Variants in TMEM164 observed in about 807,000 individuals in gnomAD.
TMEM164 encodes the protein transmembrane protein 164, also known as RP13-360B22.2.
TMEM164 carries 4 observed loss-of-function variants against 18.8 expected under a neutral mutation model. That is an observed-to-expected ratio of 0.21 (90% confidence interval 0.10 to 0.49). TMEM164 has a LOEUF of 0.49. Among genes scored for constraint, TMEM164 ranks in the 20% least tolerant of loss-of-function variants. The pLI is 0.98. For missense variants in TMEM164, 108 were observed against 239.9 expected, an observed-to-expected ratio of 0.45 and a Z score of 3.63; for synonymous variants, 86 against 101.7, an observed-to-expected ratio of 0.85 and a Z score of 0.93.
intron 2 of TMEM164, among the ~76,000 whole-genome samples, chrX:110,043,664 T>C (rs1213312173): frequency 9.0e-6 from 1 of 110,504 alleles, no homozygotes; most frequent in Non-Finnish European, 1.9e-5. Flanking sequence ...AATATCCTTT[T>C]CCTCGTTGCA....
At position 110,014,845 on chromosome X, in the gene TMEM164, T is replaced by C. The variant is rs1368128823; in HGVS notation, c.390+10681T>C. The stretch of plus-strand genomic sequence containing the variant: ...AACTATTACCAGAGCTGGGTAACTG[T>C]TGGAAGAGAAAGGGCCACCCCCAGA... On this transcript the variant is annotated intron_variant, in intron 2 of 6. Coordinates refer to ENST00000372068, the MANE Select transcript of TMEM164 (RefSeq NM_032227.4). Among the ~76,000 whole-genome samples the C allele has an allele frequency of 4.7e-5, 5 of 105,516 alleles. No individual in the cohort carries two copies. The East Asian group carries it at 8.9e-4, about 19-fold the overall frequency. The allele number at this position is 105,516 out of a possible 115,157, so 91.6% of individuals were successfully genotyped here.
chrX:110,151,224 C>T lies in TMEM164; in HGVS notation c.586+6348C>T, dbSNP rs756107875. 2.2e-4 allele frequency among the ~76,000 whole-genome samples: 25 copies of T among 112,127 alleles called. 1 individual carries two copies. In the South Asian group the frequency reaches 8.8e-3, roughly 39 times the overall value. ...GTACCTTTGCCATTTTGCGTGTGTGCAAGAATATCTATAGGATATATTCCC... is the reference window on the plus strand; with the variant it reads ...GTACCTTTGCCATTTTGCGTGTGTGTAAGAATATCTATAGGATATATTCCC... On this transcript the variant is annotated intron_variant, in intron 5 of 6. Coordinates refer to ENST00000372068, the MANE Select transcript of TMEM164 (RefSeq NM_032227.4).
At chrX:110,118,421 A>G (rs994686888) in intron 4 of TMEM164, among the ~76,000 whole-genome samples, 1 of 108,251 alleles carries the variant, frequency 9.2e-6, no homozygotes, top group Admixed American at 9.7e-5. Flanking sequence ...CAAACCCCTC[A>G]TGTTACACAA....
At chrX:110,139,568 T>C (rs1211377555) in intron 4 of TMEM164, among the ~76,000 whole-genome samples, 1 of 111,953 alleles carries the variant, frequency 8.9e-6, no homozygotes, top group African/African-American at 3.3e-5. Context: ...TTTGTTGTCA[T>C]GAATGTAAAG....
At position 110,097,611 on chromosome X, in the gene TMEM164, C is replaced by G. The variant is rs183660599; in HGVS notation, c.441-11469C>G. On this transcript the variant is annotated intron_variant, in intron 3 of 6. Coordinates refer to ENST00000372068, the MANE Select transcript of TMEM164 (RefSeq NM_032227.4). ...ATAAAAACGTGGGCAACAAGGAAGT[C>G]AACTACTTTAGAGTAGAGGTTCCCC... Among the ~76,000 whole-genome samples, 159 of 112,143 alleles carry G rather than the reference C, an allele frequency of 1.4e-3. 1 individual carries two copies. Among genetic ancestry groups the G allele is most frequent in the Admixed American group, 5.2e-3 (55 of 10,581 alleles).
chrX:110,021,542 ACAGT>A (rs1395372632), intron 2 of TMEM164, among the ~76,000 whole-genome samples: 3 of 111,466 alleles, frequency 2.7e-5, no homozygotes, highest in African/African-American at 6.5e-5. Context: ...TGTGTGTCAG[ACAGT>A]CAGATTCAGT....
At chrX:110,089,266 C>T (rs935614302) in intron 3 of TMEM164, among the ~76,000 whole-genome samples, 2 of 111,995 alleles carry the variant, frequency 1.8e-5, no homozygotes, top group East Asian at 5.6e-4. Context: ...GTATAGATTT[C>T]GGCTCACTGC....
rs185598541 is a variant in TMEM164 at position 110,157,538 on chromosome X, C to T, written c.586+12662C>T. On this transcript the variant is annotated intron_variant, in intron 5 of 6. Transcript: ENST00000372068. ...ATGCTAAACTGAAGCCCAGTAGAGC[C>T]AGGGAACATTGAAGGTACCAGAGAG... is the stretch of plus-strand genomic sequence containing the variant. Among the ~76,000 whole-genome samples, 613 of 111,357 alleles carry T rather than the reference C, an allele frequency of 5.5e-3. 8 individuals are homozygous for T. Among genetic ancestry groups the T allele is most frequent in the African/African-American group, 0.019 (583 of 30,552 alleles).
intron 4 of TMEM164, among the ~76,000 whole-genome samples, chrX:110,139,214 T>G (rs1407454211): frequency 8.9e-6 from 1 of 112,042 alleles, no homozygotes; most frequent in Non-Finnish European, 1.9e-5. Flanking sequence ...ATGACATTCT[T>G]GAGTAGGTGA....
chrX:110,092,663 A>G (rs2065948901), intron 3 of TMEM164, among the ~76,000 whole-genome samples: 1 of 111,877 alleles, frequency 8.9e-6, no homozygotes, highest in Admixed American at 9.5e-5. Flanking sequence ...AAACAGAGAC[A>G]ATTTGACTTC....
intron 3 of TMEM164, among the ~76,000 whole-genome samples, chrX:110,077,081 G>A (rs750141780): frequency 8.9e-6 from 1 of 111,906 alleles, no homozygotes; most frequent in South Asian, 3.7e-4. Context: ...TTATTGTGTG[G>A]CTATCTAAGT....
intron 2 of TMEM164, among the ~76,000 whole-genome samples, chrX:110,020,187 C>G (rs1210498008): frequency 8.9e-6 from 1 of 111,900 alleles, no homozygotes; most frequent in African/African-American, 3.3e-5. Context: ...AATGTAAGGT[C>G]TATGTTTTTA....
intron 5 of TMEM164, among the ~76,000 whole-genome samples, chrX:110,149,133 T>C (rs1265277539): frequency 9.0e-6 from 1 of 110,703 alleles, no homozygotes; most frequent in Non-Finnish European, 1.9e-5. Context: ...AGCCCCATAA[T>C]ATCCATGAGA....
intron 3 of TMEM164, among the ~76,000 whole-genome samples, chrX:110,084,379 T>TATATATATATATATA (rs1228632082): frequency 2.8e-5 from 1 of 35,649 alleles, no homozygotes; most frequent in Admixed American, 5.7e-4. Flanking sequence ...ATATATATAG[T>TATATATATATATATA]GTATATATAT....
intron 5 of TMEM164, among the ~76,000 whole-genome samples, chrX:110,147,535 C>T (rs2066874716): frequency 9.0e-6 from 1 of 111,251 alleles, no homozygotes; most frequent in Admixed American, 9.5e-5. Context: ...CTGCAGAGCC[C>T]CCTCTGTCTC....
chrX:110,075,632 T>G (rs1203483071), intron 3 of TMEM164, among the ~76,000 whole-genome samples: 1 of 111,765 alleles, frequency 8.9e-6, no homozygotes, highest in Non-Finnish European at 1.9e-5. Context: ...GGTATATTCT[T>G]TCAATGTTTA....
chrX:110,006,655 A>AATG (rs1932745608), intron 2 of TMEM164, among the ~76,000 whole-genome samples: 1 of 112,116 alleles, frequency 8.9e-6, no homozygotes, highest in African/African-American at 3.2e-5. Flanking sequence ...AGCAATGACC[A>AATG]ATGATAGTAT....
chrX:110,015,236 C>G (rs1933281199), intron 2 of TMEM164, among the ~76,000 whole-genome samples: 2 of 111,365 alleles, frequency 1.8e-5, no homozygotes, highest in Non-Finnish European at 3.8e-5. Context: ...CCTGCCAAGG[C>G]CATTGGAAGG....
At chrX:110,128,867 G>C (rs2066572245) in intron 4 of TMEM164, among the ~76,000 whole-genome samples, 1 of 111,291 alleles carries the variant, frequency 9.0e-6, no homozygotes, top group Non-Finnish European at 1.9e-5. Flanking sequence ...CAGTCTGTAG[G>C]TAATAATTTT....
Sources: allele counts gnomAD v4.1 joint callset (sites outside exome capture counted in the v4.1 genomes callset), GRCh38; gene constraint gnomAD v4.1.1; transcripts MANE v1.5; gene names NCBI Gene and HGNC (gene_info 2026-07-23, HGNC 2026-07-21).